Variants in KPNA7 observed in about 807,000 individuals in gnomAD.
The protein encoded by KPNA7 is importin subunit alpha-8.
In KPNA7, 54 loss-of-function variants were observed where a neutral mutation model predicts 53.7. That is an observed-to-expected ratio of 1.01 (90% CI 0.81 to 1.26). The LOEUF (loss-of-function observed/expected upper bound fraction) is 1.26. KPNA7 is among the 50% of genes most tolerant of loss of function. The pLI, the probability that KPNA7 is intolerant of heterozygous loss-of-function variation, is 0.00. For synonymous variants in KPNA7, 276 were observed against 259.3 expected (o/e 1.06, Z -0.62); for missense variants, 640 against 644.5 (o/e 0.99, Z 0.07).
chr7:99,146,449 C>T, the KPNA7 span, among the ~76,000 whole-genome samples: 4 of 152,084 alleles, frequency 2.6e-5, no homozygotes, highest in East Asian at 7.7e-4. Flanking sequence ...CATGGTGGTT[C>T]ATGCCTGTAA....
chr7:99,194,343 T>G (rs183773205), intron 5 of KPNA7, among the ~76,000 whole-genome samples: 63 of 152,264 alleles, frequency 4.1e-4, no homozygotes, highest in Middle Eastern at 3.4e-3. Context: ...AGTTTTTTTT[T>G]GTTGTTGTTG....
Position 99,196,179 on chromosome 7 carries a change from A to G in KPNA7, c.202-13T>C. On this transcript the variant is annotated splice_polypyrimidine_tract_variant and intron_variant, in intron 3 of 10. Coordinates refer to ENST00000327442, the MANE Select transcript of KPNA7 (RefSeq NM_001145715.3). ...GAGTGAGGCTGACCTGCAAGAAGAG[A>G]CACATTCAGGTCAGACTGTCTGCCA... The G allele has an allele frequency of 6.5e-7, 1 of 1,543,752 alleles. No homozygotes were observed. Among genetic ancestry groups the G allele is most frequent in the Non-Finnish European group, 8.8e-7 (1 of 1,139,792 alleles).
chr7:99,202,633 C>A (rs1442987429), intron 3 of KPNA7, among the ~76,000 whole-genome samples: 1 of 152,006 alleles, frequency 6.6e-6, no homozygotes, highest in Non-Finnish European at 1.5e-5. Flanking sequence ...TCACCTGAGT[C>A]CAGGGGTTCG....
intron 10 of KPNA7, among the ~76,000 whole-genome samples, chr7:99,177,668 TA>T (rs1798959715): frequency 6.6e-6 from 1 of 151,128 alleles, no homozygotes. Flanking sequence ...AGTGAAGTTT[TA>T]AGCCAGAGGC....
chr7:99,196,547 C>CG (rs2150753410), intron 3 of KPNA7, among the ~76,000 whole-genome samples: 1 of 152,228 alleles, frequency 6.6e-6, no homozygotes, highest in South Asian at 2.1e-4. Flanking sequence ...AGAAATTGAC[C>CG]AAAGGCTTGC....
intron 9 of KPNA7, among the ~76,000 whole-genome samples, chr7:99,181,571 G>A (rs1430826204): frequency 1.3e-5 from 2 of 152,160 alleles, no homozygotes; most frequent in East Asian, 1.9e-4. Flanking sequence ...GTTTTGAGAC[G>A]GAGTCTGGCT....
chr7:99,213,452 AAAAAAGAG>A (rs1791127035), intron 1 of KPNA7, among the ~76,000 whole-genome samples: 1 of 144,864 alleles, frequency 6.9e-6, no homozygotes, highest in African/African-American at 2.7e-5. Flanking sequence ...AAAAAAAAAA[AAAAAAGAG>A]AGAGAGACAG....
intron 10 of KPNA7, among the ~76,000 whole-genome samples, chr7:99,176,676 A>C (rs1034593777): frequency 6.6e-6 from 1 of 152,048 alleles, no homozygotes; most frequent in Non-Finnish European, 1.5e-5. Context: ...GGAGTTTTAG[A>C]CCAACCTAGG....
In KPNA7 at chr7:99,180,503, G is replaced by GTCTC. The variant is rs149529881; in HGVS notation, c.1317+1376_1317+1379dup. On this transcript the variant is annotated intron_variant, in intron 9 of 10. Coordinates refer to ENST00000327442, the MANE Select transcript of KPNA7 (RefSeq NM_001145715.3). Reference sequence around the variant, plus strand: ...CAGAGCAGAGATCCTATCTCTGTCTGTCTCTCTCTCTCTGTGTCTCTATCT... The same window carrying GTCTC: ...CAGAGCAGAGATCCTATCTCTGTCTGTCTCTCTCTCTCTCTCTGTGTCTCTATCT... Among the ~76,000 whole-genome samples the GTCTC allele has an allele frequency of 4.2e-3, 613 of 146,698 alleles. 6 individuals are homozygous for GTCTC. Among genetic ancestry groups the GTCTC allele is most frequent in the Admixed American group, 8.2e-3 (120 of 14,718 alleles).
chr7:99,151,628 A>T, the KPNA7 span, among the ~76,000 whole-genome samples: 2,421 of 149,946 alleles, frequency 0.016, 49 homozygotes, highest in African/African-American at 0.051. Context: ...AAAAAAAAAA[A>T]TTTTTTTTTC....
At chr7:99,203,622 G>A (rs1001465088) in intron 2 of KPNA7, among the ~76,000 whole-genome samples, 2 of 151,982 alleles carry the variant, frequency 1.3e-5, no homozygotes, top group African/African-American at 4.8e-5. Flanking sequence ...TTTCGGTGGT[G>A]GCTAGGATAG....
chr7:99,173,310 G>A (rs559539162), downstream of KPNA7, among the ~76,000 whole-genome samples: 1 of 152,126 alleles, frequency 6.6e-6, no homozygotes, highest in East Asian at 1.9e-4. Flanking sequence ...TCCTGCCTCA[G>A]CCTCCCAAAT....
At chr7:99,176,511 G>A (rs1156265132) in intron 10 of KPNA7, among the ~76,000 whole-genome samples, 1 of 152,044 alleles carries the variant, frequency 6.6e-6, no homozygotes, top group African/African-American at 2.4e-5. Flanking sequence ...GTGGAAAAGA[G>A]CGTGGTAGTT....
intron 6 of KPNA7, 33 bp downstream of exon 6, chr7:99,192,986 A>G: frequency 8.7e-7 from 1 of 1,156,068 alleles, no homozygotes; most frequent in Non-Finnish European, 1.1e-6. Flanking sequence ...TTTTAATTTA[A>G]AAAAAAAAAA....
intron 6 of KPNA7, 45 bp downstream of exon 6, chr7:99,192,974 A>C: frequency 7.4e-7 from 1 of 1,345,380 alleles, no homozygotes; most frequent in South Asian, 1.4e-5. Context: ...ATTATTTTAA[A>C]ATTTTAATTT....
At chr7:99,168,350 A>G in the KPNA7 span, among the ~76,000 whole-genome samples, 1 of 152,212 alleles carries the variant, frequency 6.6e-6, no homozygotes, top group Non-Finnish European at 1.5e-5. Context: ...GGCCATAGCC[A>G]GCACTCTGAG....
intron 7 of KPNA7, among the ~76,000 whole-genome samples, chr7:99,187,786 C>T (rs546626757): frequency 4.9e-4 from 62 of 126,108 alleles, no homozygotes; most frequent in African/African-American, 1.5e-3. Flanking sequence ...CCACCGTGCC[C>T]GGCCTTTTTT....
rs1359275801 is a variant in KPNA7 at position 99,203,189 on chromosome 7, T to C, written c.118A>G (p.Lys40Glu). 6.4e-7 allele frequency: 1 copy of C among 1,551,710 alleles called. No homozygotes were observed. Residue 40 changes from lysine (K) to glutamate (E), a missense_variant, in exon 3 of 11, where the codon AAA becomes GAA. Coordinates refer to ENST00000327442, the MANE Select transcript of KPNA7 (RefSeq NM_001145715.3). ...AVSLELRKAK[K>E]DEQTLKRRNI... ...CTTCTCTTTAAGGTCTGTTCATCTTTCTTGGCCTTTCGGAGCTCCAGACTG... is the reference window on the plus strand; with the variant it reads ...CTTCTCTTTAAGGTCTGTTCATCTTCCTTGGCCTTTCGGAGCTCCAGACTG...
At chr7:99,190,022 TTAG>T (rs1354976277) in intron 6 of KPNA7, among the ~76,000 whole-genome samples, 2 of 151,912 alleles carry the variant, frequency 1.3e-5, no homozygotes, top group Non-Finnish European at 2.9e-5. Context: ...TCAGCTGTGG[TTAG>T]TAGTCAGCCC....
Sources: gnomAD v4.1 joint callset for allele counts (sites outside exome capture counted in the v4.1 genomes callset) on GRCh38, gnomAD v4.1.1 for gene constraint, MANE v1.5 for transcripts, NCBI Gene and HGNC (gene_info 2026-07-23, HGNC 2026-07-21) for gene names.